SMCO4: variants seen among roughly 807,000 people sequenced by gnomAD.
SMCO4 encodes single-pass membrane protein with coiled-coil domains 4.
A neutral mutation model predicts 3.6 loss-of-function variants in SMCO4; 4 were observed. The ratio of observed to expected loss-of-function variants is 1.11; its 90% CI spans 0.54 to 2.53. SMCO4 has a LOEUF of 2.53. Among genes scored for constraint, SMCO4 ranks in the 30% most tolerant of loss-of-function variants. The pLI, the probability that SMCO4 is intolerant of heterozygous loss-of-function variation, is 0.02. For synonymous variants in SMCO4, 36 were observed against 35.3 expected (o/e 1.02, Z -0.07); for missense variants, 70 against 80.8 (o/e 0.87, Z 0.51).
chr11:93,531,014 G>C (rs1565388583), intron 1 of SMCO4, among the ~76,000 whole-genome samples: 1 of 152,210 alleles, frequency 6.6e-6, no homozygotes, highest in African/African-American at 2.4e-5. Context: ...GAGTGTGATG[G>C]TTAATTTCAT....
At chr11:93,480,013 C>T (rs187688712) in intron 2 of SMCO4, among the ~76,000 whole-genome samples, 463 of 152,250 alleles carry the variant, frequency 3.0e-3, no homozygotes, top group Non-Finnish European at 5.8e-3. Flanking sequence ...CTGTAGCTCA[C>T]GGAGGTGCCT....
At chr11:93,552,181 C>G in the SMCO4 span, among the ~76,000 whole-genome samples, 2 of 120,430 alleles carry the variant, frequency 1.7e-5, no homozygotes, top group Admixed American at 9.4e-5. Context: ...TTTTGAGACA[C>G]AGTTTCACTC....
upstream of SMCO4, among the ~76,000 whole-genome samples, chr11:93,546,866 C>T (rs920905176): frequency 6.6e-6 from 1 of 152,244 alleles, no homozygotes; most frequent in Non-Finnish European, 1.5e-5. Context: ...ACTCAGCACA[C>T]TTTGCCCAAC....
At chr11:93,510,293 G>T (rs1948945605) in intron 1 of SMCO4, among the ~76,000 whole-genome samples, 1 of 152,206 alleles carries the variant, frequency 6.6e-6, no homozygotes, top group Non-Finnish European at 1.5e-5. Context: ...AAGCTCAAAT[G>T]TCAAGGTTTC....
rs188943984 is a variant in SMCO4, at chr11:93,507,264, A to C, written c.-153-7916T>G. ...TACTAAAAATACAAAAATAAGCGTG[A>C]TGGTGGGTGTCAGTAATCCCAGTTA... On this transcript the variant is annotated intron_variant, in intron 1 of 2. Transcript: ENST00000298966. Among the ~76,000 whole-genome samples, 322 of 152,186 alleles carry C rather than the reference A, an allele frequency of 2.1e-3. 1 individual carries two copies. The highest frequency in any genetic ancestry group is 3.1e-3 in the Non-Finnish European group (209 of 67,998).
chr11:93,525,695 T>C (rs986134), intron 1 of SMCO4, among the ~76,000 whole-genome samples: 82,167 of 151,830 alleles, frequency 0.54, 22,655 homozygotes, highest in African/African-American at 0.63. Context: ...CAGGATTGGA[T>C]CCGGAAATTA....
At chr11:93,547,809 G>T (rs774017186), upstream of SMCO4, among the ~76,000 whole-genome samples, 8 of 152,102 alleles carry the variant, frequency 5.3e-5, no homozygotes, top group Non-Finnish European at 1.2e-4. Flanking sequence ...TCTCTCTGCT[G>T]GGTCCCTTTG....
At chr11:93,497,032 C>T (rs1284118254) in intron 2 of SMCO4, among the ~76,000 whole-genome samples, 1 of 152,096 alleles carries the variant, frequency 6.6e-6, no homozygotes, top group East Asian at 1.9e-4. Flanking sequence ...GAGATGGTGG[C>T]CTGTTTTAGG....
intron 1 of SMCO4, among the ~76,000 whole-genome samples, chr11:93,517,712 C>T (rs1252151691): frequency 1.3e-5 from 2 of 152,172 alleles, no homozygotes; most frequent in Non-Finnish European, 2.9e-5. Context: ...GAAAGTAATG[C>T]TTTTATGCTC....
chr11:93,495,834 C>T (rs1948766417), intron 2 of SMCO4, among the ~76,000 whole-genome samples: 2 of 152,174 alleles, frequency 1.3e-5, no homozygotes, highest in African/African-American at 4.8e-5. Context: ...CTCCTTGTTC[C>T]ATTTCCCAGA....
At chr11:93,514,410 A>ATATATATG (rs1565383090) in intron 1 of SMCO4, among the ~76,000 whole-genome samples, 3 of 34,966 alleles carry the variant, frequency 8.6e-5, no homozygotes, top group Non-Finnish European at 2.4e-4. Context: ...ATATATATAT[A>ATATATATG]TATATATATA....
At chr11:93,544,723 T>G (rs567258023), upstream of SMCO4, among the ~76,000 whole-genome samples, 1 of 152,280 alleles carries the variant, frequency 6.6e-6, no homozygotes, top group Non-Finnish European at 1.5e-5. Flanking sequence ...GGGATTGGGC[T>G]GCATACACCT....
chr11:93,509,935 A>G (rs1043651734), intron 1 of SMCO4, among the ~76,000 whole-genome samples: 3 of 152,240 alleles, frequency 2.0e-5, no homozygotes, highest in African/African-American at 7.2e-5. Flanking sequence ...ACTTATTCAT[A>G]TAATCAAACA....
intron 1 of SMCO4, among the ~76,000 whole-genome samples, chr11:93,531,077 CTTGTATGTCTG>C (rs1290334627): frequency 3.3e-5 from 5 of 152,164 alleles, no homozygotes; most frequent in Admixed American, 6.5e-5. Flanking sequence ...AAGATTATTC[CTTGTATGTCTG>C]TGAGGATGTT....
upstream of SMCO4, among the ~76,000 whole-genome samples, chr11:93,547,410 C>T (rs952838858): frequency 5.9e-5 from 9 of 152,214 alleles, no homozygotes; most frequent in African/African-American, 1.9e-4. Flanking sequence ...CATAATCTCT[C>T]GGGCCTTGCC....
chr11:93,549,839 C>G, the SMCO4 span, among the ~76,000 whole-genome samples: 1 of 152,070 alleles, frequency 6.6e-6, no homozygotes, highest in Non-Finnish European at 1.5e-5. Flanking sequence ...AGCTTGAAGT[C>G]CTGTACATTT....
At chr11:93,494,308 G>A (rs142291194) in intron 2 of SMCO4, among the ~76,000 whole-genome samples, 80 of 152,314 alleles carry the variant, frequency 5.3e-4, no homozygotes, top group Non-Finnish European at 7.6e-4. Flanking sequence ...AAACTTTGAA[G>A]CCAAAACACA....
chr11:93,525,509 G>T (rs1949098104), intron 1 of SMCO4, among the ~76,000 whole-genome samples: 2 of 152,124 alleles, frequency 1.3e-5, no homozygotes, highest in African/African-American at 2.4e-5. Flanking sequence ...ATTTAAGGAA[G>T]TGAGGTGGAA....
intron 2 of SMCO4, among the ~76,000 whole-genome samples, chr11:93,486,812 C>T (rs1156412681): frequency 1.3e-5 from 2 of 152,168 alleles, no homozygotes; most frequent in Non-Finnish European, 2.9e-5. Flanking sequence ...AGTAACCAGG[C>T]CCAGACATCC....
Sources: gnomAD v4.1 joint callset for allele counts (sites outside exome capture counted in the v4.1 genomes callset) on GRCh38, gnomAD v4.1.1 for gene constraint, MANE v1.5 for transcripts, NCBI Gene and HGNC (gene_info 2026-07-23, HGNC 2026-07-21) for gene names.